Variants in SV2C observed in about 807,000 individuals in gnomAD.
SV2C encodes synaptic vesicle glycoprotein 2C.
In SV2C, 49 loss-of-function variants were observed where a neutral mutation model predicts 79.7. The observed-to-expected ratio is 0.61, with a 90% confidence interval of 0.49 to 0.78. The LOEUF (loss-of-function observed/expected upper bound fraction) is 0.78, where lower values mean the gene tolerates loss of function less well. Ranked by LOEUF, SV2C falls within the 30% of genes least tolerant of loss-of-function variation. The pLI, the probability that SV2C is intolerant of heterozygous loss-of-function variation, is 0.00. For missense variants in SV2C, 833 were observed against 912.9 expected (o/e 0.91, Z 1.13); for synonymous variants, 334 against 333.2 (o/e 1.00, Z -0.03).
the SV2C span, among the ~76,000 whole-genome samples, chr5:75,879,807 G>A: frequency 6.6e-6 from 1 of 152,204 alleles, no homozygotes; most frequent in East Asian, 1.9e-4. Flanking sequence ...CCTCCACATT[G>A]CCCTAGTAGA....
At chr5:76,110,132 G>A (rs1748051497) in intron 1 of SV2C, among the ~76,000 whole-genome samples, 1 of 152,132 alleles carries the variant, frequency 6.6e-6, no homozygotes, top group Non-Finnish European at 1.5e-5. Context: ...TACCCCAAAG[G>A]ACTGACTTCT....
At chr5:76,084,789 G>A (rs1747121180) in intron 1 of SV2C, among the ~76,000 whole-genome samples, 1 of 151,640 alleles carries the variant, frequency 6.6e-6, no homozygotes, top group African/African-American at 2.4e-5. Flanking sequence ...CCCGCGGCGC[G>A]CCTGGCGCGG....
At chr5:76,255,560 T>A (rs983847685) in intron 4 of SV2C, among the ~76,000 whole-genome samples, 24 of 152,224 alleles carry the variant, frequency 1.6e-4, no homozygotes, top group African/African-American at 5.8e-4. Context: ...CCCACTGTCC[T>A]AGCTTGGATC....
At chr5:75,881,295 GA>G in the SV2C span, among the ~76,000 whole-genome samples, 1 of 152,164 alleles carries the variant, frequency 6.6e-6, no homozygotes, top group Non-Finnish European at 1.5e-5. Context: ...AAAATGAAGA[GA>G]AAAATAGTAG....
chr5:76,179,947 G>GAA (rs5868810), intron 2 of SV2C, among the ~76,000 whole-genome samples: 1 of 151,882 alleles, frequency 6.6e-6, no homozygotes, highest in Admixed American at 6.5e-5. Context: ...AACAACAACA[G>GAA]AAAAAAAACT....
chr5:76,263,350 A>G (rs574281516), intron 4 of SV2C, among the ~76,000 whole-genome samples: 5 of 152,052 alleles, frequency 3.3e-5, no homozygotes, highest in Admixed American at 3.3e-4. Flanking sequence ...TTTTGAGCCT[A>G]TGTGTGTCTT....
intron 12 of SV2C, among the ~76,000 whole-genome samples, chr5:76,318,106 C>T (rs770515414): frequency 3.3e-5 from 5 of 152,144 alleles, no homozygotes; most frequent in Non-Finnish European, 5.9e-5. Context: ...CAGTAGTTTT[C>T]TTTTCCCCAC....
chr5:76,230,056 A>C (rs1235502121), intron 4 of SV2C, among the ~76,000 whole-genome samples: 1 of 152,176 alleles, frequency 6.6e-6, no homozygotes, highest in Admixed American at 6.6e-5. Context: ...TCACTACGGG[A>C]ATGGGTATGC....
intron 11 of SV2C, 132 bp from the exon 12 acceptor site, chr5:76,301,254 T>C: frequency 8.2e-7 from 1 of 1,219,440 alleles, no homozygotes; most frequent in Non-Finnish European, 1.1e-6. Flanking sequence ...CACCAGTTCT[T>C]GAGCTTTATG....
At chr5:76,090,094 A>G (rs80274883) in intron 1 of SV2C, among the ~76,000 whole-genome samples, 126 of 152,352 alleles carry the variant, frequency 8.3e-4, no homozygotes, top group Middle Eastern at 3.4e-3. Flanking sequence ...AATGCAAGGT[A>G]GTCCAGAGGA....
chr5:76,071,984 C>T, the SV2C span, among the ~76,000 whole-genome samples: 1 of 152,142 alleles, frequency 6.6e-6, no homozygotes, highest in South Asian at 2.1e-4. Context: ...AGAGGATCCA[C>T]AACACTTGCT....
chr5:76,142,704 A>C (rs1749294670), intron 2 of SV2C, among the ~76,000 whole-genome samples: 1 of 152,174 alleles, frequency 6.6e-6, no homozygotes, highest in Admixed American at 6.5e-5. Flanking sequence ...CAGGAGTGAA[A>C]GTTACTAAAG....
the SV2C span, among the ~76,000 whole-genome samples, chr5:75,848,999 C>G: frequency 2.2e-4 from 34 of 152,342 alleles, no homozygotes; most frequent in South Asian, 7.0e-3. Flanking sequence ...AATGTAATGA[C>G]AGTGTATCAT....
intron 2 of SV2C, among the ~76,000 whole-genome samples, chr5:76,159,855 A>G (rs1244556012): frequency 1.3e-5 from 2 of 152,144 alleles, no homozygotes; most frequent in Non-Finnish European, 1.5e-5. Flanking sequence ...GATGGGGGAT[A>G]CAATCCAAAC....
At chr5:76,176,390 G>T (rs916670774) in intron 2 of SV2C, among the ~76,000 whole-genome samples, 1 of 152,124 alleles carries the variant, frequency 6.6e-6, no homozygotes, top group Non-Finnish European at 1.5e-5. Context: ...AGGACACACA[G>T]AATTTATGTC....
At chr5:76,293,196 A>T (rs17747572) in intron 8 of SV2C, among the ~76,000 whole-genome samples, 2 of 152,144 alleles carry the variant, frequency 1.3e-5, no homozygotes, top group South Asian at 4.1e-4. Flanking sequence ...CCCAAGCTCT[A>T]GAAAATCCAT....
At chr5:76,186,428 A>T (rs1481552098) in intron 2 of SV2C, among the ~76,000 whole-genome samples, 1 of 152,222 alleles carries the variant, frequency 6.6e-6, no homozygotes, top group Non-Finnish European at 1.5e-5. Context: ...ATGGTGGCTC[A>T]TGCCTGTAAT....
At chr5:76,093,183 A>T (rs1337563778) in intron 1 of SV2C, among the ~76,000 whole-genome samples, 1 of 152,202 alleles carries the variant, frequency 6.6e-6, no homozygotes, top group Non-Finnish European at 1.5e-5. Context: ...AATATTTCTA[A>T]TGCCCCAGAG....
At chr5:76,300,988 C>T in intron 11 of SV2C, 56 bp downstream of exon 11, 3 of 1,565,744 alleles carry the variant, frequency 1.9e-6, no homozygotes, top group Non-Finnish European at 1.8e-6. Context: ...CCAGAGGGAC[C>T]CTGTTTCCCC....
Sources: allele counts gnomAD v4.1 joint callset (sites outside exome capture counted in the v4.1 genomes callset), GRCh38; gene constraint gnomAD v4.1.1; transcripts MANE v1.5; gene names NCBI Gene and HGNC (gene_info 2026-07-23, HGNC 2026-07-21).